The following GRM1 variants were observed in gnomAD, a reference collection of about 807,000 sequenced individuals.
GRM1 encodes glutamate metabotropic receptor 1.
A neutral mutation model predicts 90.9 loss-of-function variants in GRM1; 33 were observed. The observed-to-expected ratio is 0.36, with a 90% confidence interval of 0.28 to 0.49. The LOEUF is 0.49. Ranked by LOEUF, GRM1 falls within the 20% of genes least tolerant of loss-of-function variation. The probability of loss-of-function intolerance (pLI) is 0.99; values close to 1 mark genes in which losing one functional copy is unlikely to be tolerated. For synonymous variants in GRM1, 700 were observed against 613.2 expected (o/e 1.14, Z -2.09); for missense variants, 1,190 against 1,534.3 (o/e 0.78, Z 3.75).
chr6:146,331,583 A>G (rs777886896), intron 3 of GRM1, among the ~76,000 whole-genome samples: 4 of 152,148 alleles, frequency 2.6e-5, no homozygotes, highest in Non-Finnish European at 5.9e-5. Context: ...TATCAGGAAG[A>G]CTAGAGACTC....
intron 1 of GRM1, among the ~76,000 whole-genome samples, chr6:146,116,779 C>T (rs558997514): frequency 6.6e-6 from 1 of 152,000 alleles, no homozygotes. Flanking sequence ...CCATAGTGAT[C>T]TGTGGTCACT....
intron 2 of GRM1, among the ~76,000 whole-genome samples, chr6:146,267,702 G>GCTCGTCTCGTCTCGTCTCGTCTCGT (rs1185232840): frequency 1.9e-4 from 16 of 86,110 alleles, no homozygotes; most frequent in Admixed American, 2.7e-4. Flanking sequence ...GCTCGGCTCG[G>GCTCGTCTCGTCTCGTCTCGTCTCGT]CTCGTCTCGT....
In GRM1 at chr6:146,225,977, G is replaced by C. The variant is rs187787709; in HGVS notation, c.950+66380G>C. Among the ~76,000 whole-genome samples, 6 of 152,212 alleles carry C rather than the reference G, an allele frequency of 3.9e-5. No homozygotes were observed. In the East Asian group the frequency reaches 7.7e-4, roughly 20 times the overall value. On this transcript the variant is annotated intron_variant, in intron 2 of 7. Coordinates refer to ENST00000282753, the MANE Select transcript of GRM1 (RefSeq NM_001278064.2). Reference sequence around the variant, plus strand: ...TTGTTATAACCTGGAATGCACCTTTGTTTGCTTCCAAATCCCTTTGTGATA... The same window carrying C: ...TTGTTATAACCTGGAATGCACCTTTCTTTGCTTCCAAATCCCTTTGTGATA...
intron 1 of GRM1, among the ~76,000 whole-genome samples, chr6:146,088,458 A>G (rs911913303): frequency 6.6e-6 from 1 of 152,124 alleles, no homozygotes. Context: ...CCAAGCAAAA[A>G]TTTGAGTGAT....
chr6:146,187,953 A>C (rs572591429), intron 2 of GRM1, among the ~76,000 whole-genome samples: 2 of 152,128 alleles, frequency 1.3e-5, no homozygotes, highest in African/African-American at 4.8e-5. Flanking sequence ...TTTACTGTTA[A>C]AAACTGAATA....
chr6:146,130,782 C>T (rs1295788666), intron 1 of GRM1, among the ~76,000 whole-genome samples: 1 of 152,086 alleles, frequency 6.6e-6, no homozygotes, highest in Admixed American at 6.6e-5. Context: ...CATTGTAGTG[C>T]AATAGTAATG....
chr6:146,393,239 G>C (rs947118058), intron 6 of GRM1, among the ~76,000 whole-genome samples: 1 of 152,154 alleles, frequency 6.6e-6, no homozygotes, highest in Non-Finnish European at 1.5e-5. Context: ...ACTGGCATGA[G>C]ATGGTGTCTC....
chr6:146,331,343 A>G lies in GRM1; in HGVS notation c.1187-20907A>G, dbSNP rs142669496. Among the ~76,000 whole-genome samples the G allele has an allele frequency of 4.8e-3, 727 of 152,340 alleles. 12 individuals are homozygous for G. Among genetic ancestry groups the G allele is most frequent in the South Asian group, 0.043 (208 of 4,832 alleles). Reference sequence around the variant, plus strand: ...GAGAGAACACATTAGGGAAGAAAGAATAAATCTCTGTAGAACAAGACATTC... The same window carrying G: ...GAGAGAACACATTAGGGAAGAAAGAGTAAATCTCTGTAGAACAAGACATTC... On this transcript the variant is annotated intron_variant, in intron 3 of 7. Transcript: ENST00000282753.
chr6:146,059,865 C>T (rs1291918967), intron 1 of GRM1, among the ~76,000 whole-genome samples: 1 of 152,156 alleles, frequency 6.6e-6, no homozygotes, highest in Non-Finnish European at 1.5e-5. Flanking sequence ...CAGAATCTTT[C>T]TTACCTCTCT....
chr6:146,150,936 G>GTGCA (rs1554273688), intron 1 of GRM1, among the ~76,000 whole-genome samples: 2 of 44,650 alleles, frequency 4.5e-5, no homozygotes, highest in South Asian at 1.9e-3. Flanking sequence ...ACGCGTGTGC[G>GTGCA]CGCACACACA....
chr6:146,410,381 C>A (rs1184661537), intron 7 of GRM1, among the ~76,000 whole-genome samples: 1 of 152,088 alleles, frequency 6.6e-6, no homozygotes, highest in African/African-American at 2.4e-5. Context: ...AGGACATTGT[C>A]TTCTGAGTTA....
intron 1 of GRM1, among the ~76,000 whole-genome samples, chr6:146,154,393 T>C (rs1777446706): frequency 6.6e-6 from 1 of 152,194 alleles, no homozygotes; most frequent in Non-Finnish European, 1.5e-5. Context: ...AGCCATTCGC[T>C]GGCCAGCTGT....
chr6:146,380,263 A>C lies in GRM1; in HGVS notation c.1603-6627A>C, dbSNP rs536599678. ...GGGAGTCAAAGACTAGAGTCAAAAAACTTAGAAGTCTGCCTGGTGTTTTAT... is the reference window on the plus strand; with the variant it reads ...GGGAGTCAAAGACTAGAGTCAAAAACCTTAGAAGTCTGCCTGGTGTTTTAT... On this transcript the variant is annotated intron_variant, in intron 5 of 7. Transcript: ENST00000282753. Among the ~76,000 whole-genome samples the C allele has an allele frequency of 1.2e-4, 18 of 152,122 alleles. No individual in the cohort carries two copies. In the East Asian group the frequency reaches 3.1e-3, roughly 26 times the overall value.
At chr6:146,057,444 C>T (rs959312775) in intron 1 of GRM1, among the ~76,000 whole-genome samples, 2 of 151,972 alleles carry the variant, frequency 1.3e-5, no homozygotes, top group Non-Finnish European at 2.9e-5. Flanking sequence ...TTTTGAATTT[C>T]CATTTTATCT....
At chr6:146,031,643 T>A (rs1364470208) in intron 1 of GRM1, among the ~76,000 whole-genome samples, 1 of 152,202 alleles carries the variant, frequency 6.6e-6, no homozygotes, top group East Asian at 1.9e-4. Flanking sequence ...TGATTTTTAA[T>A]CATGAACTGC....
At chr6:146,165,649 C>A (rs1302420829) in intron 2 of GRM1, among the ~76,000 whole-genome samples, 2 of 152,268 alleles carry the variant, frequency 1.3e-5, no homozygotes, top group East Asian at 3.9e-4. Flanking sequence ...CTATACTTTT[C>A]TTAAAACACT....
At chr6:146,406,742 G>A (rs1777361958) in intron 7 of GRM1, among the ~76,000 whole-genome samples, 1 of 152,168 alleles carries the variant, frequency 6.6e-6, no homozygotes, top group Admixed American at 6.5e-5. Flanking sequence ...GCTGAGGCAG[G>A]AGAATAGCTT....
intron 3 of GRM1, among the ~76,000 whole-genome samples, chr6:146,332,431 A>C (rs1208249057): frequency 6.6e-6 from 1 of 152,084 alleles, no homozygotes; most frequent in Non-Finnish European, 1.5e-5. Flanking sequence ...AGTTGTTCCT[A>C]GAGGTTGTTC....
intron 2 of GRM1, among the ~76,000 whole-genome samples, chr6:146,255,908 G>C (rs984944095): frequency 1.8e-4 from 28 of 152,056 alleles, no homozygotes; most frequent in Non-Finnish European, 3.7e-4. Context: ...ACTCTTCCCT[G>C]AGTCTCTCAT....
Sources: allele counts gnomAD v4.1 joint callset (sites outside exome capture counted in the v4.1 genomes callset), GRCh38; gene constraint gnomAD v4.1.1; transcripts MANE v1.5; gene names NCBI Gene and HGNC (gene_info 2026-07-23, HGNC 2026-07-21).